The following ZNF154 variants were observed in gnomAD, a reference collection of about 807,000 sequenced individuals.
ZNF154 encodes zinc finger protein 154 (pHZ-92).
A neutral mutation model predicts 7.5 loss-of-function variants in ZNF154; 6 were observed. That is an observed-to-expected ratio of 0.80 (90% CI 0.44 to 1.57). The LOEUF (loss-of-function observed/expected upper bound fraction) is 1.57. ZNF154 is among the 40% of genes most tolerant of loss of function. ZNF154 has a pLI of 0.01. For synonymous variants in ZNF154, 187 were observed against 185.9 expected, an observed-to-expected ratio of 1.01 and a Z score of -0.05; for missense variants, 485 against 531.4, an observed-to-expected ratio of 0.91 and a Z score of 0.86.
intron 2 of ZNF154, 68 bp from the exon 3 acceptor site, chr19:57,702,856 C>T: frequency 6.8e-7 from 1 of 1,479,380 alleles, no homozygotes. Flanking sequence ...GATGTGTCCC[C>T]TAGGGCCCAG....
chr19:57,708,031 C>T (rs897216470), intron 1 of ZNF154, among the ~76,000 whole-genome samples: 1 of 152,120 alleles, frequency 6.6e-6, no homozygotes, highest in Non-Finnish European at 1.5e-5. Context: ...TTCCATACGC[C>T]CTTCTACAAC....
intron 2 of ZNF154, among the ~76,000 whole-genome samples, chr19:57,704,450 A>ACTT (rs1204178906): frequency 6.6e-6 from 1 of 152,238 alleles, no homozygotes; most frequent in Non-Finnish European, 1.5e-5. Flanking sequence ...CATGGTCTAC[A>ACTT]TAAGTAGTGA....
chr19:57,706,382 C>T (rs1488551398), intron 1 of ZNF154, among the ~76,000 whole-genome samples: 1 of 152,170 alleles, frequency 6.6e-6, no homozygotes, highest in African/African-American at 2.4e-5. Flanking sequence ...GCAGTAACAA[C>T]CTTCCTCTGT....
chr19:57,705,610 C>A (rs757015431), intron 1 of ZNF154, among the ~76,000 whole-genome samples: 1 of 151,914 alleles, frequency 6.6e-6, no homozygotes, highest in Non-Finnish European at 1.5e-5. Flanking sequence ...AAAAATTAGC[C>A]GGGCGTGGTG....
At chr19:57,705,013 G>C (rs1206732254) in intron 1 of ZNF154, 34 bp from the exon 2 acceptor site, 2 of 1,584,104 alleles carry the variant, frequency 1.3e-6, no homozygotes, top group African/African-American at 1.4e-5. Flanking sequence ...ACCACCAAGA[G>C]CCCCTATCCC....
chr19:57,707,883 C>T (rs760741151), intron 1 of ZNF154, among the ~76,000 whole-genome samples: 3 of 152,162 alleles, frequency 2.0e-5, no homozygotes, highest in Admixed American at 6.5e-5. Flanking sequence ...ACTTAAGAGC[C>T]CTGGGCTTGG....
chr19:57,701,758 A>G lies in ZNF154; in HGVS notation c.1191T>C (p.Asn397=). The G allele has an allele frequency of 1.2e-6, 2 of 1,611,906 alleles. No individual in the cohort carries two copies. The highest frequency in any genetic ancestry group is 8.5e-7 in the Non-Finnish European group (1 of 1,179,382). ...CCCTCCTGTGCTTAATGAGGCCGGAATTTTGAGTAAAGGATTTCCCACATT... is the reference window on the plus strand; with the variant it reads ...CCCTCCTGTGCTTAATGAGGCCGGAGTTTTGAGTAAAGGATTTCCCACATT... The part of the protein sequence containing the change: ...CSECGKSFTQ[N]SGLIKHRRVH... The change falls in exon 3 of 3, where the codon AAT becomes AAC. Residue 397 remains asparagine (N), a synonymous_variant. Coordinates refer to ENST00000684351, the MANE Select transcript of ZNF154 (RefSeq NM_001085384.3).
In ZNF154 at chr19:57,708,953, TCA is replaced by T; in HGVS notation, c.17_18del (p.Leu6GlnfsTer11). 6.4e-7 allele frequency: 1 copy of T among 1,561,196 alleles called. No individual in the cohort carries two copies. Among genetic ancestry groups the T allele is most frequent in the East Asian group, 2.4e-5 (1 of 41,466 alleles). On this transcript the variant is annotated frameshift_variant, in exon 1 of 3. Transcript: ENST00000684351. LOFTEE classifies it high-confidence loss of function. Reference sequence around the variant, plus strand: ...GCCGCACTCACCTGAGTTGGCGTCCTCAGAGTGGCCGCTGCCATCAGACTCTG... The same window carrying T: ...GCCGCACTCACCTGAGTTGGCGTCCTGAGTGGCCGCTGCCATCAGACTCTG... Reference protein sequence around the residue: MAAATLRTPTQGTVTF... With the variant: MAAATXRTPTQGTVTF...
In ZNF154 at chr19:57,699,498, A is replaced by G. The variant is rs979676852; in HGVS notation, c.*2137T>C. On this transcript the variant is annotated 3_prime_UTR_variant, in exon 3 of 3. Coordinates refer to ENST00000684351, the MANE Select transcript of ZNF154 (RefSeq NM_001085384.3). ...GAATGTACAGTGCAGTGGTGGTTCA[A>G]GAAGTTTTGCAAAGGAGACAAGAGC... 8.5e-6 allele frequency: 3 copies of G among 350,902 alleles called. No individual in the cohort carries two copies. The highest frequency in any genetic ancestry group is 1.8e-5 in the Non-Finnish European group (3 of 170,238). The allele number at this position is 350,902 out of a possible 1,614,324, so 21.7% of individuals were successfully genotyped here. A position where few individuals can be genotyped will look rare whatever the true frequency, so the allele number is the denominator to read the frequency against.
At position 57,702,793 on chromosome 19, in the gene ZNF154, A is replaced by C. The variant is rs1047660026; in HGVS notation, c.161-5T>G. ...GCTGCTTCTGATGATGAACATCTGC[A>C]ATGAAATACAATTATTTCCCACATG... On this transcript the variant is annotated splice_region_variant and splice_polypyrimidine_tract_variant and intron_variant, in intron 2 of 2. Transcript: ENST00000684351. The C allele has an allele frequency of 2.5e-6, 4 of 1,593,218 alleles. No individual in the cohort carries two copies. The highest frequency in any genetic ancestry group is 3.4e-6 in the Non-Finnish European group (4 of 1,166,892).
In ZNF154 at chr19:57,701,536, G is replaced by T; in HGVS notation, c.*99C>A. ...TTGTGAACTGTGTGGCACTCAATGAGATATGGCCTTCAGCTGAAGCTTTCT... is the reference window on the plus strand; with the variant it reads ...TTGTGAACTGTGTGGCACTCAATGATATATGGCCTTCAGCTGAAGCTTTCT... On this transcript the variant is annotated 3_prime_UTR_variant, in exon 3 of 3. Transcript: ENST00000684351. 1 of 1,299,842 alleles carries T rather than the reference G, an allele frequency of 7.7e-7. No individual in the cohort carries two copies. The highest frequency in any genetic ancestry group is 1.1e-6 in the Non-Finnish European group (1 of 944,596). 80.5% of individuals were successfully genotyped at this position (1,299,842 alleles called of 1,614,324 possible).
rs1319669618 is a variant in ZNF154, at chr19:57,709,145, C to A, written c.-174G>T. On this transcript the variant is annotated 5_prime_UTR_variant, in exon 1 of 3. Coordinates refer to ENST00000684351, the MANE Select transcript of ZNF154 (RefSeq NM_001085384.3). Reference sequence around the variant, plus strand: ...CCCTCACGCCTTCGTGGCCCCAACTCGGCGCTCTGCTATCTCTGATCCGGT... The same window carrying A: ...CCCTCACGCCTTCGTGGCCCCAACTAGGCGCTCTGCTATCTCTGATCCGGT... The A allele has an allele frequency of 7.5e-6, 6 of 798,246 alleles. No homozygotes were observed. The highest frequency in any genetic ancestry group is 1.2e-5 in the Non-Finnish European group (6 of 496,780). The allele number at this position is 798,246 out of a possible 1,614,324, so 49.4% of individuals were successfully genotyped here.
rs902505680 is a variant in ZNF154, at chr19:57,700,759, G to GT, written c.*875dup. 3.3e-5 allele frequency: 5 copies of GT among 152,332 alleles called. No individual in the cohort carries two copies. The highest frequency in any genetic ancestry group is 2.1e-4 in the South Asian group (1 of 4,828). 9.4% of individuals were successfully genotyped at this position (152,332 alleles called of 1,614,324 possible). A position where few individuals can be genotyped will look rare whatever the true frequency, so the allele number is the denominator to read the frequency against. On this transcript the variant is annotated 3_prime_UTR_variant, in exon 3 of 3. Transcript: ENST00000684351. ...ATATAAATTAGGACAATACCCTGTA[G>GT]TTTTTTCTCAGAGGCCTTGAATAGC... is the stretch of plus-strand genomic sequence containing the variant.
intron 1 of ZNF154, among the ~76,000 whole-genome samples, chr19:57,707,104 A>G (rs1356661909): frequency 1.5e-5 from 2 of 137,522 alleles, no homozygotes; most frequent in Non-Finnish European, 3.0e-5. Context: ...CAAGAGAGAC[A>G]CTCCATCTCA....
At position 57,701,771 on chromosome 19, in the gene ZNF154, G is replaced by C. The variant is rs773216197; in HGVS notation, c.1178C>G (p.Ser393Cys). Residue 393 changes from serine to cysteine, a missense_variant, in exon 3 of 3, where the codon TCC (serine) becomes TGC (cysteine). Transcript: ENST00000684351. ...RPYECSECGK[S>C]FTQNSGLIKH... is the part of the protein sequence containing the mutation. Reference sequence around the variant, plus strand: ...AATGAGGCCGGAATTTTGAGTAAAGGATTTCCCACATTCACTGCACTCATA... The same window carrying C: ...AATGAGGCCGGAATTTTGAGTAAAGCATTTCCCACATTCACTGCACTCATA... 2.6e-5 allele frequency: 42 copies of C among 1,614,018 alleles called. No homozygotes were observed. The highest frequency in any genetic ancestry group is 3.5e-5 in the Non-Finnish European group (41 of 1,179,998).
At chr19:57,705,983 T>C (rs1348381987) in intron 1 of ZNF154, among the ~76,000 whole-genome samples, 1 of 152,112 alleles carries the variant, frequency 6.6e-6, no homozygotes, top group Non-Finnish European at 1.5e-5. Flanking sequence ...GGTAGGGAGC[T>C]GAAATCTGCT....
At position 57,702,579 on chromosome 19, in the gene ZNF154, C is replaced by T. The variant is rs1380563107; in HGVS notation, c.370G>A (p.Ala124Thr). The T allele has an allele frequency of 6.2e-7, 1 of 1,613,940 alleles. No homozygotes were observed. The change falls in exon 3 of 3, where the codon GCC (alanine) becomes ACC (threonine). Residue 124 changes from alanine (A) to threonine (T), a missense_variant. Coordinates refer to ENST00000684351, the MANE Select transcript of ZNF154 (RefSeq NM_001085384.3). ...TGAGTTTTTCCTCTGTGACTGATGG[C>T]CCCACCGTCGCTTTTGCTATTTGAT... The part of the protein sequence containing the change: ...EQSNSKSDGG[A>T]ISHRGKTHYN...
In ZNF154 at chr19:57,700,113, C is replaced by G. The variant is rs1600031473; in HGVS notation, c.*1522G>C. On this transcript the variant is annotated 3_prime_UTR_variant, in exon 3 of 3. Coordinates refer to ENST00000684351, the MANE Select transcript of ZNF154 (RefSeq NM_001085384.3). ...CAGGTTTGACAACCCTATGTTGATT[C>G]CACCATCTCTCTCCTCATGTCCTGG... is the stretch of plus-strand genomic sequence containing the variant. 1 of 152,160 alleles carries G rather than the reference C, an allele frequency of 6.6e-6. No homozygotes were observed. Among genetic ancestry groups the G allele is most frequent in the East Asian group, 1.9e-4 (1 of 5,204 alleles). The allele number at this position is 152,160 out of a possible 1,614,324, so 9.4% of individuals were successfully genotyped here.
intron 2 of ZNF154, among the ~76,000 whole-genome samples, 175 bp from the exon 3 acceptor site, chr19:57,702,963 C>T (rs924899705): frequency 6.6e-6 from 1 of 152,208 alleles, no homozygotes; most frequent in Non-Finnish European, 1.5e-5. Context: ...AGTTGGGTCA[C>T]TCCTTCTAAA....
Sources: gnomAD v4.1 joint callset for allele counts (sites outside exome capture counted in the v4.1 genomes callset) on GRCh38, gnomAD v4.1.1 for gene constraint, MANE v1.5 for transcripts, NCBI Gene and HGNC (gene_info 2026-07-23, HGNC 2026-07-21) for gene names.